The following VWA8 variants were observed in gnomAD, a reference collection of about 807,000 sequenced individuals.
The protein encoded by VWA8 is von Willebrand factor A domain containing 8, also known as von Willebrand factor A domain-containing protein 8.
VWA8 carries 221 observed loss-of-function variants against 241.5 expected under a neutral mutation model. The ratio of observed to expected loss-of-function variants is 0.91; its 90% CI spans 0.82 to 1.02. VWA8 has a LOEUF of 1.02. Ranked by LOEUF, VWA8 falls within the 50% of genes least tolerant of loss-of-function variation. VWA8 has a pLI of 0.00. For synonymous variants in VWA8, 852 were observed against 827.1 expected, an observed-to-expected ratio of 1.03 and a Z score of -0.52; for missense variants, 2,322 against 2,328.7, an observed-to-expected ratio of 1.00 and a Z score of 0.06.
intron 37 of VWA8, among the ~76,000 whole-genome samples, chr13:41,639,907 C>A (rs777644225): frequency 9.2e-5 from 14 of 152,014 alleles, no homozygotes; most frequent in Admixed American, 4.6e-4. Flanking sequence ...AACTCACCTG[C>A]ACATGTACTC....
chr13:41,693,015 T>C lies in VWA8; in HGVS notation c.3565-43A>G, dbSNP rs1353779099. ...AGTGAAAAGCTCAAGATTTGTTCTT[T>C]TTTTTTTTTTTTTTAAAGCAGCAAC... On this transcript the variant is annotated intron_variant, in intron 29 of 44. Transcript: ENST00000379310. The C allele has an allele frequency of 3.5e-6, 4 of 1,141,524 alleles. No individual in the cohort carries two copies. The South Asian group carries it at 5.7e-5, about 16-fold the overall frequency. The allele number at this position is 1,141,524 out of a possible 1,614,324, so 70.7% of individuals were successfully genotyped here.
chr13:41,947,961 AAAC>A (rs1566048756), intron 2 of VWA8, among the ~76,000 whole-genome samples: 4 of 148,934 alleles, frequency 2.7e-5, no homozygotes, highest in African/African-American at 4.9e-5. Flanking sequence ...AAACAAAACA[AAAC>A]ATTTTGGTAA....
intron 36 of VWA8, among the ~76,000 whole-genome samples, chr13:41,674,444 A>G (rs1247762262): frequency 1.3e-5 from 2 of 152,174 alleles, no homozygotes; most frequent in African/African-American, 4.8e-5. Flanking sequence ...TGTGATTGCA[A>G]TATAGGTCAA....
intron 20 of VWA8, among the ~76,000 whole-genome samples, chr13:41,769,717 G>A (rs1246270400): frequency 6.6e-6 from 1 of 152,068 alleles, no homozygotes; most frequent in African/African-American, 2.4e-5. Context: ...GTAATTTTGA[G>A]CAAATATTTT....
At chr13:41,783,374 TC>T (rs1202604057) in intron 19 of VWA8, among the ~76,000 whole-genome samples, 1 of 151,944 alleles carries the variant, frequency 6.6e-6, no homozygotes, top group African/African-American at 2.4e-5. Flanking sequence ...ACATGGTGGC[TC>T]ACGCCTGTAA....
chr13:41,830,232 GA>G (rs1277635209), intron 14 of VWA8, among the ~76,000 whole-genome samples: 2 of 136,336 alleles, frequency 1.5e-5, no homozygotes, highest in Non-Finnish European at 3.1e-5. Flanking sequence ...GACAGAGCGA[GA>G]CTCTGTCTCA....
intron 12 of VWA8, among the ~76,000 whole-genome samples, chr13:41,844,219 A>C (rs1872186172): frequency 1.3e-5 from 2 of 152,182 alleles, no homozygotes; most frequent in African/African-American, 2.4e-5. Flanking sequence ...ACATAAACAG[A>C]ATTAAAAGCA....
chr13:41,628,484 G>T (rs1263878122), intron 37 of VWA8, among the ~76,000 whole-genome samples: 1 of 152,156 alleles, frequency 6.6e-6, no homozygotes, highest in Non-Finnish European at 1.5e-5. Flanking sequence ...GTGCATGTAT[G>T]CTTATTGTAG....
At chr13:41,729,158 A>G (rs2045460795) in intron 23 of VWA8, among the ~76,000 whole-genome samples, 1 of 152,072 alleles carries the variant, frequency 6.6e-6, no homozygotes, top group Admixed American at 6.5e-5. Flanking sequence ...ATACACACGT[A>G]TTCACCACAT....
chr13:41,719,163 A>T (rs2045365327), intron 26 of VWA8, among the ~76,000 whole-genome samples: 1 of 152,040 alleles, frequency 6.6e-6, no homozygotes, highest in Non-Finnish European at 1.5e-5. Flanking sequence ...TCTCTAGTTA[A>T]CATGATCATA....
intron 37 of VWA8, among the ~76,000 whole-genome samples, chr13:41,622,194 A>G (rs2044661342): frequency 6.6e-6 from 1 of 152,178 alleles, no homozygotes; most frequent in Non-Finnish European, 1.5e-5. Context: ...TCTTACATCA[A>G]TTGACAATGA....
At chr13:41,944,108 A>AAATAAT (rs3074010) in intron 2 of VWA8, among the ~76,000 whole-genome samples, 2,290 of 146,520 alleles carry the variant, frequency 0.016, 39 homozygotes, top group Non-Finnish European at 0.022. Context: ...CTGTCTCAAA[A>AAATAAT]AATAATAATA....
At chr13:41,776,020 C>G (rs1259480374) in intron 20 of VWA8, among the ~76,000 whole-genome samples, 2 of 152,210 alleles carry the variant, frequency 1.3e-5, no homozygotes. Context: ...ATCTAACCCA[C>G]CAAACCCTCA....
chr13:41,801,932 A>G (rs1161842851), intron 17 of VWA8, among the ~76,000 whole-genome samples: 1 of 152,208 alleles, frequency 6.6e-6, no homozygotes, highest in Admixed American at 6.5e-5. Flanking sequence ...TCTAAATAAG[A>G]TAATATATTA....
chr13:41,960,732 C>G (rs1482747625), intron 1 of VWA8, 121 bp downstream of exon 1: 2 of 1,342,220 alleles, frequency 1.5e-6, no homozygotes, highest in Admixed American at 3.3e-5. Context: ...CTTTCAGCTC[C>G]CCGCTCGGCA....
chr13:41,590,814 G>A, intron 40 of VWA8, 49 bp from the exon 41 acceptor site: 1 of 1,598,744 alleles, frequency 6.3e-7, no homozygotes. Flanking sequence ...GTTATGCAGA[G>A]TCTCTGACAT....
intron 2 of VWA8, among the ~76,000 whole-genome samples, chr13:41,949,625 TA>T (rs879400367): frequency 1.4e-3 from 193 of 140,598 alleles, no homozygotes; most frequent in Middle Eastern, 3.6e-3. Flanking sequence ...AAAGTATAAT[TA>T]AAAAAAAAAA....
rs2045051209 is a variant in VWA8, at chr13:41,675,117, A to G, written c.4409+98T>C. 6 of 757,778 alleles carry G rather than the reference A, an allele frequency of 7.9e-6. No individual in the cohort carries two copies. In the Middle Eastern group the frequency reaches 1.1e-3, roughly 140 times the overall value. The allele number at this position is 757,778 out of a possible 1,614,324, so 46.9% of individuals were successfully genotyped here. ...TGGAAAAAAAAAGAGCTTGCTATTT[A>G]AAGAAGCAAAAAAGTACTCATTTAT... On this transcript the variant is annotated intron_variant, in intron 36 of 44. Coordinates refer to ENST00000379310, the MANE Select transcript of VWA8 (RefSeq NM_015058.2).
At chr13:41,607,996 G>A (rs1311030087) in intron 39 of VWA8, among the ~76,000 whole-genome samples, 1 of 151,952 alleles carries the variant, frequency 6.6e-6, no homozygotes, top group Admixed American at 6.6e-5. Flanking sequence ...CAATGTTGGA[G>A]GTATGGGTTG....
Sources: gnomAD v4.1 joint callset for allele counts (sites outside exome capture counted in the v4.1 genomes callset) on GRCh38, gnomAD v4.1.1 for gene constraint, MANE v1.5 for transcripts, NCBI Gene and HGNC (gene_info 2026-07-23, HGNC 2026-07-21) for gene names.